THSD7B: variants seen among roughly 807,000 people sequenced by gnomAD.
THSD7B encodes thrombospondin type-1 domain-containing protein 7B.
In THSD7B, 138 loss-of-function variants were observed where a neutral mutation model predicts 213.6. The observed-to-expected ratio is 0.65, with a 90% CI of 0.56 to 0.74. The LOEUF is 0.74. Ranked by LOEUF, THSD7B falls within the 30% of genes least tolerant of loss-of-function variation. The pLI, the probability that THSD7B is intolerant of heterozygous loss-of-function variation, is 0.00. For synonymous variants in THSD7B, 742 were observed against 687.0 expected (o/e 1.08, Z -1.25); for missense variants, 1,931 against 1,991.5 (o/e 0.97, Z 0.58).
chr2:136,831,636 CAA>C (rs2104947625), intron 1 of THSD7B, among the ~76,000 whole-genome samples: 1 of 152,272 alleles, frequency 6.6e-6, no homozygotes, highest in South Asian at 2.1e-4. Flanking sequence ...TAGACTTGTG[CAA>C]AAAGACATGG....
rs115051646 is a variant in THSD7B, at chr2:137,154,299, T to C, written c.1370-5914T>C. ...ATCTGTAAGATACTTCTTTTTGTCC[T>C]AAGGGAAAGATGAACTCCATTATGC... is the stretch of plus-strand genomic sequence containing the variant. On this transcript the variant is annotated intron_variant, in intron 5 of 27. Coordinates refer to ENST00000409968, the MANE Select transcript of THSD7B (RefSeq NM_001316349.2). Among the ~76,000 whole-genome samples the C allele has an allele frequency of 2.2e-3, 336 of 152,240 alleles. 4 individuals are homozygous for C. Among genetic ancestry groups the C allele is most frequent in the African/African-American group, 7.6e-3 (316 of 41,562 alleles).
intron 15 of THSD7B, among the ~76,000 whole-genome samples, chr2:137,478,926 A>C (rs1361814808): frequency 2.6e-5 from 4 of 152,038 alleles, no homozygotes; most frequent in African/African-American, 9.7e-5. Context: ...AAGTAGGCCA[A>C]CCCTTGGACC....
At chr2:137,275,390 G>A (rs1682846338) in intron 11 of THSD7B, among the ~76,000 whole-genome samples, 1 of 152,062 alleles carries the variant, frequency 6.6e-6, no homozygotes, top group East Asian at 1.9e-4. Context: ...AGAGGATTAA[G>A]TGTGAAGGTC....
chr2:137,599,683 A>G (rs1682038658), intron 17 of THSD7B, among the ~76,000 whole-genome samples: 1 of 152,168 alleles, frequency 6.6e-6, no homozygotes, highest in African/African-American at 2.4e-5. Context: ...AGACACATGC[A>G]CACGTATGTT....
chr2:137,210,139 G>T (rs1474705135), intron 7 of THSD7B, among the ~76,000 whole-genome samples: 1 of 152,050 alleles, frequency 6.6e-6, no homozygotes, highest in Non-Finnish European at 1.5e-5. Context: ...AATTTCTGTT[G>T]TTCAAGCTAC....
At chr2:137,089,739 A>G (rs1367018951) in intron 3 of THSD7B, among the ~76,000 whole-genome samples, 2 of 151,954 alleles carry the variant, frequency 1.3e-5, no homozygotes, top group Non-Finnish European at 2.9e-5. Flanking sequence ...GTGCACCGAA[A>G]TCTCACACAT....
chr2:137,077,395 C>T (rs1009473470), intron 3 of THSD7B, among the ~76,000 whole-genome samples: 12 of 152,162 alleles, frequency 7.9e-5, no homozygotes, highest in East Asian at 3.9e-4. Context: ...CCTGAGGAAT[C>T]GCCACACTGA....
chr2:137,503,056 A>G (rs1356246617), intron 15 of THSD7B, among the ~76,000 whole-genome samples: 1 of 152,212 alleles, frequency 6.6e-6, no homozygotes, highest in African/African-American at 2.4e-5. Flanking sequence ...ATATTTTTAA[A>G]CAAAATATGC....
At chr2:137,029,522 A>G (rs989022345) in intron 2 of THSD7B, among the ~76,000 whole-genome samples, 1 of 152,194 alleles carries the variant, frequency 6.6e-6, no homozygotes, top group Admixed American at 6.5e-5. Flanking sequence ...TCAAAGATAT[A>G]CAAACATACT....
chr2:137,556,250 C>T (rs936388682), intron 15 of THSD7B, among the ~76,000 whole-genome samples: 3 of 152,050 alleles, frequency 2.0e-5, no homozygotes, highest in Non-Finnish European at 2.9e-5. Context: ...TCAGATTCAC[C>T]AAAGTTGAAA....
chr2:137,275,836 T>A, intron 11 of THSD7B, 87 bp from the exon 12 acceptor site: 3 of 1,021,794 alleles, frequency 2.9e-6, no homozygotes, highest in Non-Finnish European at 4.3e-6. Flanking sequence ...CTGTCTTTAC[T>A]TTTTTTAAAC....
intron 2 of THSD7B, among the ~76,000 whole-genome samples, chr2:136,992,181 T>C (rs939183285): frequency 6.6e-6 from 1 of 152,232 alleles, no homozygotes; most frequent in African/African-American, 2.4e-5. Context: ...AAAGCCTGAC[T>C]AAACTGTCTT....
At chr2:137,356,712 A>G (rs1685136392) in intron 12 of THSD7B, among the ~76,000 whole-genome samples, 1 of 152,130 alleles carries the variant, frequency 6.6e-6, no homozygotes. Flanking sequence ...CACATGGAAG[A>G]GACGCCAGCT....
rs35759254 is a variant in THSD7B at position 137,487,374 on chromosome 2, CAAAAAAAAAAA to C, written c.3138+36366_3138+36376del. 3.3e-4 allele frequency among the ~76,000 whole-genome samples: 11 copies of C among 33,166 alleles called. No individual in the cohort carries two copies. The East Asian group carries it at 8.6e-3, about 26-fold the overall frequency. The allele number at this position is 33,166 out of a possible 152,430, so 21.8% of individuals were successfully genotyped here. The stretch of plus-strand genomic sequence containing the variant: ...TGGGCGACAGAGCGAGACTCCGTCT[CAAAAAAAAAAA>C]AAAAAAAAAAAAAAGAACTAGAAAA... On this transcript the variant is annotated intron_variant, in intron 15 of 27. Transcript: ENST00000409968.
chr2:137,237,277 G>A (rs910304278), intron 9 of THSD7B, among the ~76,000 whole-genome samples: 2 of 152,146 alleles, frequency 1.3e-5, no homozygotes, highest in African/African-American at 4.8e-5. Flanking sequence ...CATGAAAGCA[G>A]GAAGTTAAAT....
Position 136,899,209 on chromosome 2 carries a change from C to G in THSD7B, c.139+16892C>G, listed in dbSNP as rs554776645. ...ATACTACTTTTCTGTTTCTTAAAAA[C>G]TCTGTTTTAAGATCCACCTTGTAGG... On this transcript the variant is annotated intron_variant, in intron 2 of 27. Transcript: ENST00000409968. Among the ~76,000 whole-genome samples, 462 of 152,200 alleles carry G rather than the reference C, an allele frequency of 3.0e-3. 4 individuals are homozygous for G. Among genetic ancestry groups the G allele is most frequent in the African/African-American group, 0.011 (449 of 41,538 alleles).
chr2:137,200,173 A>G (rs1680846182), intron 7 of THSD7B, among the ~76,000 whole-genome samples: 1 of 152,164 alleles, frequency 6.6e-6, no homozygotes, highest in South Asian at 2.1e-4. Flanking sequence ...TCTGAAGGCT[A>G]TAAATTATTC....
chr2:137,357,944 G>T (rs1390991927), intron 12 of THSD7B, among the ~76,000 whole-genome samples: 1 of 152,148 alleles, frequency 6.6e-6, no homozygotes, highest in African/African-American at 2.4e-5. Context: ...TTCTGTGTTT[G>T]CATTTTAATA....
At chr2:137,342,965 TC>T (rs945546934) in intron 12 of THSD7B, among the ~76,000 whole-genome samples, 67 of 151,812 alleles carry the variant, frequency 4.4e-4, no homozygotes, top group African/African-American at 1.4e-3. Flanking sequence ...CCCCCTTTGT[TC>T]ATTAAGGATA....
Sources: gnomAD v4.1 joint callset for allele counts (sites outside exome capture counted in the v4.1 genomes callset) on GRCh38, gnomAD v4.1.1 for gene constraint, MANE v1.5 for transcripts, NCBI Gene and HGNC (gene_info 2026-07-23, HGNC 2026-07-21) for gene names.